Variants in CELSR3 observed in about 807,000 individuals in gnomAD.
The protein encoded by CELSR3 is cadherin EGF LAG seven-pass G-type receptor 3.
A neutral mutation model predicts 270.0 loss-of-function variants in CELSR3; 73 were observed. The ratio of observed to expected loss-of-function variants is 0.27; its 90% CI spans 0.22 to 0.33. The LOEUF is 0.33. Ranked by LOEUF, CELSR3 falls within the 10% of genes least tolerant of loss-of-function variation. The pLI is 1.00. For missense variants in CELSR3, 3,614 were observed against 4,533.8 expected (o/e 0.80, Z 5.83); for synonymous variants, 1,780 against 1,905.4 (o/e 0.93, Z 1.71).
chr3:48,652,124 C>T lies in CELSR3; in HGVS notation c.5752-76G>A, dbSNP rs2047143182. On this transcript the variant is annotated intron_variant, in intron 11 of 34. Transcript: ENST00000164024. The surrounding 1 kb of genome is among the most constrained non-coding windows in gnomAD (Gnocchi z 4.3). ...CTCAAGTACTGCAGAGCCAGCCACC[C>T]GGTCTGATGATCCTTGACATGCAGT... The T allele has an allele frequency of 5.8e-6, 8 of 1,367,880 alleles. No individual in the cohort carries two copies. Among genetic ancestry groups the T allele is most frequent in the South Asian group, 3.0e-5 (2 of 66,880 alleles). The allele number at this position is 1,367,880 out of a possible 1,614,324, so 84.7% of individuals were successfully genotyped here. A position where few individuals can be genotyped will look rare whatever the true frequency, so the allele number is the denominator to read the frequency against.
At position 48,646,920 on chromosome 3, in the gene CELSR3, T is replaced by A; in HGVS notation, c.7138A>T (p.Thr2380Ser). The change falls in exon 21 of 35, where the codon ACA becomes TCA. Residue 2380 changes from threonine (T) to serine (S), a missense_variant. Transcript: ENST00000164024. This position sits in a 1 kb window ranked among gnomAD's most constrained non-coding sequence, Gnocchi z 4.8. ...PRPSPSEVLP[T>S]SSSIENSTTS... Reference sequence around the variant, plus strand: ...GTGGAGTTTTCTATGCTGCTGCTTGTGGGCAGAACTGCCAGGAGAGAAGGA... The same window carrying A: ...GTGGAGTTTTCTATGCTGCTGCTTGAGGGCAGAACTGCCAGGAGAGAAGGA... The A allele has an allele frequency of 1.3e-6, 2 of 1,537,910 alleles. No homozygotes were observed. The highest frequency in any genetic ancestry group is 1.7e-6 in the Non-Finnish European group (2 of 1,147,408).
At position 48,645,547 on chromosome 3, in the gene CELSR3, G is replaced by T; in HGVS notation, c.7693C>A (p.Arg2565Ser). The change falls in exon 24 of 35, where the codon CGC (arginine) becomes AGC (serine). Residue 2565 changes from arginine to serine, a missense_variant. Transcript: ENST00000164024. This position sits in a 1 kb window ranked among gnomAD's most constrained non-coding sequence, Gnocchi z 5.4. ...VLTAAILLSLRSLKSNVRGIH... is the reference protein window; with the variant it reads ...VLTAAILLSLSSLKSNVRGIH... ...CCACGCACATTGGACTTGAGGCTGC[G>T]CAGGCTCAGCAGGATGGCTGCAGTC... 6.2e-7 allele frequency: 1 copy of T among 1,612,656 alleles called. No homozygotes were observed. Among genetic ancestry groups the T allele is most frequent in the South Asian group, 1.1e-5 (1 of 91,088 alleles).
rs2047111391 is a variant in CELSR3, at chr3:48,648,804, G to A, written c.6692C>T (p.Ala2231Val). Residue 2231 changes from alanine (A) to valine (V), a missense_variant, in exon 18 of 35, where the codon GCC becomes GTC. Ala to Val is a moderately conservative substitution (Grantham distance 64). Coordinates refer to ENST00000164024, the MANE Select transcript of CELSR3 (RefSeq NM_001407.3). The part of the protein sequence containing the change: ...HYFSQDVRVT[A>V]RLLAHLLAFE... The stretch of plus-strand genomic sequence containing the variant: ...GGCCAGCAGGTGGGCCAGCAGGCGG[G>A]CAGTGACTCGAACATCTTGGCTAAA... 2 of 1,612,970 alleles carry A rather than the reference G, an allele frequency of 1.2e-6. No homozygotes were observed. Among genetic ancestry groups the A allele is most frequent in the Non-Finnish European group, 1.7e-6 (2 of 1,179,996 alleles).
rs2047173099 is a variant in CELSR3 at position 48,655,529 on chromosome 3, G to T, written c.4742-135C>A. On this transcript the variant is annotated intron_variant, in intron 4 of 34. Transcript: ENST00000164024. The surrounding 1 kb of genome is among the most constrained non-coding windows in gnomAD (Gnocchi z 5.8). ...CCCCCACTGGTGACCACAATGGCTG[G>T]CTCAGAGTGCCTTTGAACAGACAGG... is the stretch of plus-strand genomic sequence containing the variant. 4.1e-6 allele frequency: 4 copies of T among 967,090 alleles called. No homozygotes were observed. Among genetic ancestry groups the T allele is most frequent in the Non-Finnish European group, 4.8e-6 (3 of 621,436 alleles). The allele number at this position is 967,090 out of a possible 1,614,324, so 59.9% of individuals were successfully genotyped here.
In CELSR3 at chr3:48,660,780, G is replaced by A. The variant is rs776080561; in HGVS notation, c.1855C>T (p.Arg619Cys). Reference sequence around the variant, plus strand: ...CGGCCAGCATCCTGCGCCCTGATGCGCAAGGCATACTCTCTCTCTGCCTCG... The same window carrying A: ...CGGCCAGCATCCTGCGCCCTGATGCACAAGGCATACTCTCTCTCTGCCTCG... ...DFEAEREYAL[R>C]IRAQDAGRPP... Residue 619 changes from arginine (R) to cysteine (C), a missense_variant, in exon 1 of 35, where the codon CGC becomes TGC. By Grantham distance (180) the Arg-to-Cys change is radical. Transcript: ENST00000164024. This position sits in a 1 kb window ranked among gnomAD's most constrained non-coding sequence, Gnocchi z 5.5. 1.9e-6 allele frequency: 3 copies of A among 1,614,078 alleles called. No individual in the cohort carries two copies. The highest frequency in any genetic ancestry group is 2.2e-5 in the South Asian group (2 of 91,086).
chr3:48,660,921 G>A lies in CELSR3; in HGVS notation c.1714C>T (p.Arg572Trp), dbSNP rs1372477014. The change falls in exon 1 of 35, where the codon CGG (arginine) becomes TGG (tryptophan). Residue 572 changes from arginine (R) to tryptophan (W), a missense_variant. This residue lies in a region of CELSR3 where 354 missense variants were observed against 500.9 expected (regional missense o/e 0.71). Coordinates refer to ENST00000164024, the MANE Select transcript of CELSR3 (RefSeq NM_001407.3). This position sits in a 1 kb window ranked among gnomAD's most constrained non-coding sequence, Gnocchi z 5.5. Reference protein sequence around the residue: ...TVVLRVTATDRDKDANGLVHY... With the variant: ...TVVLRVTATDWDKDANGLVHY... ...ACCAATCCGTTGGCGTCCTTGTCCC[G>A]GTCAGTGGCCGTGACGCGCAGCACG... 5 of 1,613,802 alleles carry A rather than the reference G, an allele frequency of 3.1e-6. No individual in the cohort carries two copies. The highest frequency in any genetic ancestry group is 2.2e-5 in the East Asian group (1 of 44,902).
intron 19 of CELSR3, 128 bp downstream of exon 19, chr3:48,648,138 G>A (rs548562491): frequency 4.9e-6 from 7 of 1,418,118 alleles, no homozygotes; most frequent in East Asian, 2.4e-5. Flanking sequence ...CCTACAAAAC[G>A]CTGAGGGCGG....
rs1447589872 is a variant in CELSR3 at position 48,661,744 on chromosome 3, T to C, written c.891A>G (p.Gly297=). 6.3e-7 allele frequency: 1 copy of C among 1,581,404 alleles called. No homozygotes were observed. The highest frequency in any genetic ancestry group is 1.8e-5 in the Admixed American group (1 of 55,442). The change falls in exon 1 of 35, where the codon GGA becomes GGG. Residue 297 remains glycine, a synonymous_variant. Coordinates refer to ENST00000164024, the MANE Select transcript of CELSR3 (RefSeq NM_001407.3). ...TCCTGGCTTCAGGACGGGCCGGGAG[T>C]CCCGGGGGACGCGGCCCGGGGCGCT... ...LPQRPGPRPP[G]LPARPEARKV...
In CELSR3 at chr3:48,644,953, G is replaced by A; in HGVS notation, c.7972+82C>T. 6.5e-7 allele frequency: 1 copy of A among 1,537,456 alleles called. No individual in the cohort carries two copies. The highest frequency in any genetic ancestry group is 8.9e-7 in the Non-Finnish European group (1 of 1,127,642). ...ATGAATAGATGGCTTGGGGTTTGAG[G>A]TTGGGGGTCATGAGCAGGAGTGGGG... On this transcript the variant is annotated intron_variant, in intron 25 of 34. Transcript: ENST00000164024. This position sits in a 1 kb window ranked among gnomAD's most constrained non-coding sequence, Gnocchi z 4.8.
At position 48,658,672 on chromosome 3, in the gene CELSR3, T is replaced by C. The variant is rs1302248499; in HGVS notation, c.3748+215A>G. Among the ~76,000 whole-genome samples the C allele has an allele frequency of 6.6e-6, 1 of 152,190 alleles. No homozygotes were observed. Among genetic ancestry groups the C allele is most frequent in the Admixed American group, 6.5e-5 (1 of 15,290 alleles). ...TACAGGCTTTATGGGGTCTGCTAGATGCCTTGGAATCACTGGGATTCTGTG... is the reference window on the plus strand; with the variant it reads ...TACAGGCTTTATGGGGTCTGCTAGACGCCTTGGAATCACTGGGATTCTGTG... On this transcript the variant is annotated intron_variant, in intron 1 of 34. Transcript: ENST00000164024. This position sits in a 1 kb window ranked among gnomAD's most constrained non-coding sequence, Gnocchi z 4.7.
At position 48,651,984 on chromosome 3, in the gene CELSR3, T is replaced by G. The variant is rs1330535051; in HGVS notation, c.5816A>C (p.Asn1939Thr). Residue 1939 changes from asparagine to threonine, a missense_variant, in exon 12 of 35, where the codon AAT becomes ACT. Physicochemically the swap from Asn to Thr is moderately conservative, Grantham distance 65. Coordinates refer to ENST00000164024, the MANE Select transcript of CELSR3 (RefSeq NM_001407.3). This position sits in a 1 kb window ranked among gnomAD's most constrained non-coding sequence, Gnocchi z 7.4. ...PALLPPSHRV[N>T]AEPGCVVTNA... is the part of the protein sequence containing the mutation. The stretch of plus-strand genomic sequence containing the variant: ...GGTCACAACACAGCCAGGCTCCGCA[T>G]TCACTCGGTGGCTGGGGGGTAGCAG... 1 of 1,596,356 alleles carries G rather than the reference T, an allele frequency of 6.3e-7. No homozygotes were observed. The highest frequency in any genetic ancestry group is 8.5e-7 in the Non-Finnish European group (1 of 1,173,536).
rs2310997 is a variant in CELSR3 at position 48,640,578 on chromosome 3, G to T, written c.9026-19C>A. ...AGGATGCCTGTGAGAGGAAGAAAAT[G>T]GGGGGCAGGGTTTGTGTGGGAGGGG... On this transcript the variant is annotated intron_variant, in intron 33 of 34. Coordinates refer to ENST00000164024, the MANE Select transcript of CELSR3 (RefSeq NM_001407.3). This position sits in a 1 kb window ranked among gnomAD's most constrained non-coding sequence, Gnocchi z 7.5. 5 of 1,536,226 alleles carry T rather than the reference G, an allele frequency of 3.3e-6. No individual in the cohort carries two copies. Among genetic ancestry groups the T allele is most frequent in the South Asian group, 1.2e-5 (1 of 82,602 alleles).
rs1166576656 is a variant in CELSR3 at position 48,646,576 on chromosome 3, G to A, written c.7295+187C>T. Among the ~76,000 whole-genome samples, 1 of 152,218 alleles carries A rather than the reference G, an allele frequency of 6.6e-6. No homozygotes were observed. Among genetic ancestry groups the A allele is most frequent in the Non-Finnish European group, 1.5e-5 (1 of 68,044 alleles). Reference sequence around the variant, plus strand: ...CCCTCCTGTGTGTGGCTCTGTGTCTGTCAGCCTGTGGCTCTGTCACTCTGC... The same window carrying A: ...CCCTCCTGTGTGTGGCTCTGTGTCTATCAGCCTGTGGCTCTGTCACTCTGC... On this transcript the variant is annotated intron_variant, in intron 21 of 34. Coordinates refer to ENST00000164024, the MANE Select transcript of CELSR3 (RefSeq NM_001407.3). This position sits in a 1 kb window ranked among gnomAD's most constrained non-coding sequence, Gnocchi z 4.8.
At chr3:48,643,460 A>C in intron 28 of CELSR3, 94 bp downstream of exon 28, 1 of 1,454,672 alleles carries the variant, frequency 6.9e-7, no homozygotes, top group South Asian at 1.4e-5. Flanking sequence ...AGTAAGAGTC[A>C]GCTCCAGGCC....
rs1220265881 is a variant in CELSR3 at position 48,647,855 on chromosome 3, G to A, written c.7115C>T (p.Pro2372Leu). The A allele has an allele frequency of 6.2e-7, 1 of 1,609,978 alleles. No individual in the cohort carries two copies. Among genetic ancestry groups the A allele is most frequent in the African/African-American group, 1.3e-5 (1 of 74,760 alleles). The part of the protein sequence containing the change: ...HVLLPSQSPR[P>L]SPSEVLPTSS... ...GGGGCTCTCACCTTCAGATGGGGAT[G>A]GCCGTGGGGACTGGGAAGGCAGCAG... Residue 2372 changes from proline to leucine, a missense_variant, in exon 20 of 35, where the codon CCA (proline) becomes CTA (leucine). Transcript: ENST00000164024.
chr3:48,657,957 C>G lies in CELSR3; in HGVS notation c.3749-609G>C, dbSNP rs1236582332. ...CTGGGTTATCAAGCTCCAGGGGGGT[C>G]TTGAACCCTGACATACACACACACA... On this transcript the variant is annotated intron_variant, in intron 1 of 34. Transcript: ENST00000164024. This position sits in a 1 kb window ranked among gnomAD's most constrained non-coding sequence, Gnocchi z 5.4. Among the ~76,000 whole-genome samples, 3 of 152,126 alleles carry G rather than the reference C, an allele frequency of 2.0e-5. No individual in the cohort carries two copies. The highest frequency in any genetic ancestry group is 1.5e-5 in the Non-Finnish European group (1 of 68,032).
In CELSR3 at chr3:48,646,523, T is replaced by G. The variant is rs994265995; in HGVS notation, c.7295+240A>C. ...GTCCTTGTCTGTCTCTGTCAGCCCT[T>G]TGGTCTGTCTGTACCTGGCTCATGG... On this transcript the variant is annotated intron_variant, in intron 21 of 34. Coordinates refer to ENST00000164024, the MANE Select transcript of CELSR3 (RefSeq NM_001407.3). This position sits in a 1 kb window ranked among gnomAD's most constrained non-coding sequence, Gnocchi z 4.8. 2.0e-5 allele frequency among the ~76,000 whole-genome samples: 3 copies of G among 152,226 alleles called. No homozygotes were observed. The highest frequency in any genetic ancestry group is 7.2e-5 in the African/African-American group (3 of 41,450).
chr3:48,641,533 C>A lies in CELSR3; in HGVS notation c.8825-9G>T. 6.2e-7 allele frequency: 1 copy of A among 1,604,304 alleles called. No individual in the cohort carries two copies. The highest frequency in any genetic ancestry group is 1.1e-5 in the South Asian group (1 of 90,872). ...GTCATTGCCATCCACATCTGTGGAG[C>A]CAGGTCAGGTTACAGGAGCTTCTGG... On this transcript the variant is annotated splice_polypyrimidine_tract_variant and intron_variant, in intron 32 of 34. Transcript: ENST00000164024. This position sits in a 1 kb window ranked among gnomAD's most constrained non-coding sequence, Gnocchi z 4.8.
Position 48,641,311 on chromosome 3 carries a change from T to C in CELSR3, c.9025+13A>G. 6.3e-7 allele frequency: 1 copy of C among 1,574,834 alleles called. No homozygotes were observed. Among genetic ancestry groups the C allele is most frequent in the Non-Finnish European group, 8.7e-7 (1 of 1,146,604 alleles). On this transcript the variant is annotated intron_variant, in intron 33 of 34. Transcript: ENST00000164024. This position sits in a 1 kb window ranked among gnomAD's most constrained non-coding sequence, Gnocchi z 4.8. ...GCGTGTCTGCGGTGTGGGCCAGGGC[T>C]CAGGGACTGTACCTTTCCTCTGGCG...
Sources: allele counts gnomAD v4.1 joint callset (sites outside exome capture counted in the v4.1 genomes callset), GRCh38; gene constraint gnomAD v4.1.1; regional missense constraint gnomAD v4.1.1; non-coding constraint Gnocchi (gnomAD v3.1); transcripts MANE v1.5; gene names NCBI Gene and HGNC (gene_info 2026-07-23, HGNC 2026-07-21).